PCSK5: variants seen among roughly 807,000 people sequenced by gnomAD.
The protein encoded by PCSK5 is prohormone convertase 5.
In PCSK5, 129 loss-of-function variants were observed where a neutral mutation model predicts 233.2. The observed-to-expected ratio is 0.55, with a 90% CI of 0.48 to 0.64. The LOEUF (loss-of-function observed/expected upper bound fraction) is 0.64. Among genes scored for constraint, PCSK5 ranks in the 30% least tolerant of loss-of-function variants. PCSK5 has a pLI of 0.00. For synonymous variants in PCSK5, 825 were observed against 879.2 expected (o/e 0.94, Z 1.09); for missense variants, 2,076 against 2,430.1 (o/e 0.85, Z 3.06).
chr9:75,902,066 A>T (rs992101259), intron 1 of PCSK5, among the ~76,000 whole-genome samples: 11 of 151,844 alleles, frequency 7.2e-5, no homozygotes, highest in African/African-American at 1.7e-4. Flanking sequence ...AAATACAAAA[A>T]TTAGCGGGGT....
chr9:75,900,259 A>G (rs1456478227), intron 1 of PCSK5, among the ~76,000 whole-genome samples: 2 of 152,182 alleles, frequency 1.3e-5, no homozygotes. Context: ...CAGTTTCTTC[A>G]TGTGTGTAAG....
chr9:76,075,862 T>TGCATC (rs1417162234), intron 7 of PCSK5, among the ~76,000 whole-genome samples: 1 of 152,204 alleles, frequency 6.6e-6, no homozygotes, highest in African/African-American at 2.4e-5. Context: ...GAGCTCCCAC[T>TGCATC]TTCTATATGC....
chr9:75,925,050 C>G (rs1490014372), intron 1 of PCSK5, among the ~76,000 whole-genome samples: 8 of 152,120 alleles, frequency 5.3e-5, no homozygotes, highest in African/African-American at 1.9e-4. Flanking sequence ...GCTGCATTTC[C>G]TTGACTTTTG....
intron 2 of PCSK5, among the ~76,000 whole-genome samples, chr9:75,938,286 A>G (rs1291304817): frequency 6.6e-6 from 1 of 152,198 alleles, no homozygotes; most frequent in Non-Finnish European, 1.5e-5. Context: ...TTAGGAAATA[A>G]GGAGGCCTGG....
intron 1 of PCSK5, among the ~76,000 whole-genome samples, chr9:75,891,877 C>G (rs905229868): frequency 6.6e-6 from 1 of 151,822 alleles, no homozygotes; most frequent in Admixed American, 6.6e-5. Context: ...GAGAGAACCT[C>G]TGGCGCTGGA....
At chr9:76,029,245 A>G (rs1009754240) in intron 5 of PCSK5, among the ~76,000 whole-genome samples, 3 of 152,192 alleles carry the variant, frequency 2.0e-5, no homozygotes, top group African/African-American at 4.8e-5. Flanking sequence ...CAGACAGTGT[A>G]CTATAAGGTA....
At chr9:76,051,688 A>G (rs534676225) in intron 5 of PCSK5, among the ~76,000 whole-genome samples, 10 of 152,312 alleles carry the variant, frequency 6.6e-5, no homozygotes, top group African/African-American at 2.2e-4. Context: ...TGTATGAGAA[A>G]ACACTGCCTC....
intron 3 of PCSK5, among the ~76,000 whole-genome samples, chr9:75,989,822 G>C (rs2131400939): frequency 6.6e-6 from 1 of 152,196 alleles, no homozygotes; most frequent in South Asian, 2.1e-4. Context: ...CCTTATTTCT[G>C]TAGTTTTCTA....
intron 9 of PCSK5, among the ~76,000 whole-genome samples, chr9:76,111,572 AT>A (rs1361739792): frequency 1.3e-5 from 2 of 152,150 alleles, no homozygotes; most frequent in Non-Finnish European, 2.9e-5. Flanking sequence ...GTTTAATAGT[AT>A]GATTTTTTTT....
At chr9:76,294,194 C>CA (rs11415964) in intron 25 of PCSK5, among the ~76,000 whole-genome samples, 5,164 of 99,606 alleles carry the variant, frequency 0.052, 168 homozygotes, top group East Asian at 0.19. Context: ...GATTTAGTCT[C>CA]AAAAAAAAAA....
intron 2 of PCSK5, among the ~76,000 whole-genome samples, chr9:75,964,628 G>C (rs1341181861): frequency 6.6e-6 from 1 of 152,214 alleles, no homozygotes; most frequent in African/African-American, 2.4e-5. Context: ...TGGTTACTAG[G>C]TGTGTGCATG....
intron 5 of PCSK5, among the ~76,000 whole-genome samples, chr9:76,066,053 C>T (rs1318912616): frequency 6.6e-6 from 1 of 152,006 alleles, no homozygotes; most frequent in Non-Finnish European, 1.5e-5. Flanking sequence ...GTTTCTACAC[C>T]TTTTAGTATA....
chr9:76,093,569 A>T (rs971954424), intron 7 of PCSK5, among the ~76,000 whole-genome samples: 2 of 146,320 alleles, frequency 1.4e-5, no homozygotes, highest in African/African-American at 2.7e-5. Context: ...ATAATTTTAT[A>T]TATATATATA....
Position 76,351,476 on chromosome 9 carries a change from GAAAGAAAGAAAGAAAGAAAGAAAGAAAGA to G in PCSK5, c.5067+551_5067+579del, listed in dbSNP as rs1830135567. Among the ~76,000 whole-genome samples, 6 of 68,050 alleles carry G rather than the reference GAAAGAAAGAAAGAAAGAAAGAAAGAAAGA, an allele frequency of 8.8e-5. 1 individual carries two copies. The highest frequency in any genetic ancestry group is 3.0e-4 in the African/African-American group (6 of 19,694). The allele number at this position is 68,050 out of a possible 152,430, so 44.6% of individuals were successfully genotyped here. A position where few individuals can be genotyped will look rare whatever the true frequency, so the allele number is the denominator to read the frequency against. On this transcript the variant is annotated intron_variant, in intron 36 of 37. Coordinates refer to ENST00000674117, the MANE Select transcript of PCSK5 (RefSeq NM_001372043.1). The stretch of plus-strand genomic sequence containing the variant: ...AGAAAGAAAGAAAGAAAGAAAGAAA[GAAAGAAAGAAAGAAAGAAAGAAAGAAAGA>G]AAGAAAGAAAGAAAGAAAGAAAGAA...
intron 24 of PCSK5, among the ~76,000 whole-genome samples, chr9:76,266,023 T>C (rs1827322494): frequency 6.6e-6 from 1 of 152,206 alleles, no homozygotes; most frequent in Admixed American, 6.5e-5. Context: ...GATACCTATG[T>C]TATTATGCCT....
intron 2 of PCSK5, among the ~76,000 whole-genome samples, chr9:75,953,833 T>A (rs74936833): frequency 1.3e-5 from 2 of 151,894 alleles, no homozygotes; most frequent in African/African-American, 4.8e-5. Context: ...AAAAAAAATA[T>A]GAGTATGTGG....
chr9:76,302,492 A>G (rs1828644033), intron 28 of PCSK5, among the ~76,000 whole-genome samples: 1 of 152,210 alleles, frequency 6.6e-6, no homozygotes, highest in East Asian at 1.9e-4. Flanking sequence ...GGCAGAGGCT[A>G]TCAAGAAAAG....
At chr9:76,271,560 G>A (rs530119984) in intron 24 of PCSK5, among the ~76,000 whole-genome samples, 143 of 152,254 alleles carry the variant, frequency 9.4e-4, no homozygotes, top group African/African-American at 3.2e-3. Context: ...GGCTTAGGCC[G>A]GCAGGGGGCT....
At chr9:76,046,155 CTTTTGTTTTTTTTTTTTTTT>C (rs1829365959) in intron 5 of PCSK5, among the ~76,000 whole-genome samples, 4 of 55,702 alleles carry the variant, frequency 7.2e-5, no homozygotes, top group Admixed American at 2.0e-4. Context: ...ATAATTTTTT[CTTTTGTTTTTTTTTTTTTTT>C]TTTTTTTTTT....
Sources: gnomAD v4.1 joint callset for allele counts (sites outside exome capture counted in the v4.1 genomes callset) on GRCh38, gnomAD v4.1.1 for gene constraint, MANE v1.5 for transcripts, NCBI Gene and HGNC (gene_info 2026-07-23, HGNC 2026-07-21) for gene names.